The following WWOX variants were observed in gnomAD, a reference collection of about 807,000 sequenced individuals.
The protein encoded by WWOX is WW domain containing oxidoreductase.
In WWOX, 69 loss-of-function variants were observed where a neutral mutation model predicts 46.2. The ratio of observed to expected loss-of-function variants is 1.49; its 90% CI spans 1.23 to 1.82. WWOX has a LOEUF of 1.82. Ranked by LOEUF, WWOX falls within the 40% of genes most tolerant of loss-of-function variation. WWOX has a pLI of 0.00. For missense variants in WWOX, 919 were observed against 542.6 expected (o/e 1.69, Z -6.89); for synonymous variants, 359 against 202.6 (o/e 1.77, Z -6.56).
intron 8 of WWOX, among the ~76,000 whole-genome samples, chr16:78,694,810 A>G (rs1436508321): frequency 6.6e-6 from 1 of 151,082 alleles, no homozygotes; most frequent in Non-Finnish European, 1.5e-5. Flanking sequence ...TAAGTCCTGA[A>G]TCACCCCACT....
intron 8 of WWOX, among the ~76,000 whole-genome samples, chr16:78,796,470 G>C (rs911057678): frequency 2.0e-5 from 3 of 152,242 alleles, no homozygotes; most frequent in Admixed American, 1.3e-4. Flanking sequence ...CCAACTGCAA[G>C]GGATTCTGGG....
At chr16:78,697,501 A>G (rs1020670261) in intron 8 of WWOX, among the ~76,000 whole-genome samples, 1 of 152,172 alleles carries the variant, frequency 6.6e-6, no homozygotes, top group Admixed American at 6.5e-5. Flanking sequence ...ATACAAATCT[A>G]TACGTCTATA....
intron 8 of WWOX, among the ~76,000 whole-genome samples, chr16:78,725,409 G>A (rs1183821109): frequency 1.5e-5 from 2 of 129,104 alleles, no homozygotes; most frequent in Non-Finnish European, 3.1e-5. Context: ...GTGCAGTGGT[G>A]CAATCTGGGC....
intron 8 of WWOX, among the ~76,000 whole-genome samples, chr16:78,518,017 C>A (rs1433353566): frequency 6.6e-6 from 1 of 151,738 alleles, no homozygotes; most frequent in East Asian, 1.9e-4. Flanking sequence ...TGTATTCCAG[C>A]CCCCACCTTC....
intron 8 of WWOX, among the ~76,000 whole-genome samples, chr16:78,822,936 A>G (rs1050112827): frequency 1.3e-5 from 2 of 152,190 alleles, no homozygotes; most frequent in African/African-American, 4.8e-5. Context: ...TAAAAGAAAA[A>G]AAAAAAGGAA....
At chr16:78,700,599 G>T (rs982380262) in intron 8 of WWOX, among the ~76,000 whole-genome samples, 2 of 152,200 alleles carry the variant, frequency 1.3e-5, no homozygotes, top group Non-Finnish European at 2.9e-5. Flanking sequence ...CAAGGAAGGG[G>T]CACTCAGCTG....
intron 8 of WWOX, among the ~76,000 whole-genome samples, chr16:78,648,402 A>C (rs1313708713): frequency 6.6e-6 from 1 of 152,070 alleles, no homozygotes; most frequent in Admixed American, 6.6e-5. Context: ...TGTCAAGATC[A>C]TTTTTGCAGA....
At chr16:78,386,806 C>A in intron 5 of WWOX, 54 bp from the exon 6 acceptor site, 1 of 1,489,206 alleles carries the variant, frequency 6.7e-7, no homozygotes, top group South Asian at 1.1e-5. Context: ...AACTTGATAC[C>A]ATGAACTACA....
chr16:79,129,726 C>T (rs1336247410), intron 8 of WWOX, among the ~76,000 whole-genome samples: 3 of 152,102 alleles, frequency 2.0e-5, no homozygotes, highest in South Asian at 2.1e-4. Flanking sequence ...AAATCTAAAG[C>T]CATTAATAAA....
chr16:78,176,464 C>T (rs571696621), intron 5 of WWOX, among the ~76,000 whole-genome samples: 8 of 152,214 alleles, frequency 5.3e-5, no homozygotes, highest in South Asian at 4.2e-4. Flanking sequence ...GCAGGGGAAC[C>T]ATGCACTTAT....
At chr16:78,966,086 C>CT (rs768339818) in intron 8 of WWOX, among the ~76,000 whole-genome samples, 1 of 152,148 alleles carries the variant, frequency 6.6e-6, no homozygotes, top group Non-Finnish European at 1.5e-5. Context: ...GGATTCCAAG[C>CT]TTTTTTGCGT....
chr16:78,809,665 G>A (rs1194500718), intron 8 of WWOX, among the ~76,000 whole-genome samples: 5 of 152,248 alleles, frequency 3.3e-5, no homozygotes, highest in Admixed American at 6.5e-5. Flanking sequence ...CCTGTTTCCA[G>A]ATGCCTTCTA....
chr16:78,967,169 C>A (rs990748831), intron 8 of WWOX, among the ~76,000 whole-genome samples: 1 of 151,968 alleles, frequency 6.6e-6, no homozygotes, highest in Non-Finnish European at 1.5e-5. Flanking sequence ...CTGAGAAGCC[C>A]ATCAGCCCTG....
chr16:78,552,682 T>A (rs1342479143), intron 8 of WWOX: 5 of 152,244 alleles, frequency 3.3e-5, no homozygotes, highest in Admixed American at 3.3e-4. Context: ...CTCTGTTAGT[T>A]CTTTCTCCTC....
rs1327917870 is a variant in WWOX, at chr16:79,053,999, A to AG, written c.1057-157609_1057-157608insG. Among the ~76,000 whole-genome samples, 7 of 151,916 alleles carry AG rather than the reference A, an allele frequency of 4.6e-5. No individual in the cohort carries two copies. The East Asian group carries it at 1.4e-3, about 29-fold the overall frequency. ...TATTATCTCAAGGAGAGAGGGAAAA[A>AG]AAAAATCAGAGCAGGACATGAACAG... On this transcript the variant is annotated intron_variant, in intron 8 of 8. Transcript: ENST00000566780.
intron 8 of WWOX, among the ~76,000 whole-genome samples, chr16:79,172,132 C>T (rs1414079991): frequency 1.3e-5 from 2 of 152,104 alleles, no homozygotes; most frequent in East Asian, 1.9e-4. Context: ...ACTACATTTT[C>T]TTGGGTTCCT....
intron 5 of WWOX, among the ~76,000 whole-genome samples, chr16:78,366,246 A>G (rs1287353706): frequency 1.3e-5 from 2 of 152,246 alleles, no homozygotes; most frequent in East Asian, 3.8e-4. Flanking sequence ...GCTGTTATGT[A>G]CGAAGTGAAA....
intron 6 of WWOX, among the ~76,000 whole-genome samples, chr16:78,387,157 C>T (rs987259930): frequency 6.6e-6 from 1 of 152,162 alleles, no homozygotes; most frequent in African/African-American, 2.4e-5. Flanking sequence ...CTAATAACAG[C>T]TTCCCACATA....
intron 8 of WWOX, among the ~76,000 whole-genome samples, chr16:78,580,470 A>C (rs914991886): frequency 1.3e-5 from 2 of 152,204 alleles, no homozygotes; most frequent in African/African-American, 4.8e-5. Flanking sequence ...TGAGTCTTTC[A>C]TCAAAAACAA....
Sources: allele counts gnomAD v4.1 joint callset (sites outside exome capture counted in the v4.1 genomes callset), GRCh38; gene constraint gnomAD v4.1.1; transcripts MANE v1.5; gene names NCBI Gene and HGNC (gene_info 2026-07-23, HGNC 2026-07-21).